The following GPR107 variants were observed in gnomAD, a reference collection of about 807,000 sequenced individuals.
GPR107 encodes protein GPR107.
In GPR107, 31 loss-of-function variants were observed where a neutral mutation model predicts 75.5. That is an observed-to-expected ratio of 0.41 (90% CI 0.31 to 0.55). GPR107 has a LOEUF of 0.55. Among genes scored for constraint, GPR107 ranks in the 20% least tolerant of loss-of-function variants. The probability of loss-of-function intolerance (pLI) is 0.26; values close to 1 mark genes in which losing one functional copy is unlikely to be tolerated. For missense variants in GPR107, 572 were observed against 665.7 expected (o/e 0.86, Z 1.55); for synonymous variants, 267 against 251.3 (o/e 1.06, Z -0.59).
chr9:130,101,644 C>T (rs191485033), intron 12 of GPR107, among the ~76,000 whole-genome samples: 1 of 152,320 alleles, frequency 6.6e-6, no homozygotes, highest in Admixed American at 6.5e-5. Context: ...TGGTAGTAGA[C>T]GTGAGGGGCA....
At chr9:130,055,508 A>C (rs1315933273) in intron 1 of GPR107, among the ~76,000 whole-genome samples, 3 of 139,258 alleles carry the variant, frequency 2.2e-5, no homozygotes, top group Non-Finnish European at 3.1e-5. Flanking sequence ...AGCCTGGGCA[A>C]CAGCGCGAGA....
rs1459247827 is a variant in GPR107, at chr9:130,086,412, C to CT, written c.565-3dup. On this transcript the variant is annotated splice_region_variant and splice_polypyrimidine_tract_variant and intron_variant, in intron 6 of 17. Coordinates refer to ENST00000347136, the MANE Select transcript of GPR107 (RefSeq NM_020960.5). Reference sequence around the variant, plus strand: ...GTCATCCTAAAACATACTATTATGTCTTTTTAGGCCATGGGAGAGAAATCC... The same window carrying CT: ...GTCATCCTAAAACATACTATTATGTCTTTTTTAGGCCATGGGAGAGAAATCC... 1 of 1,406,040 alleles carries CT rather than the reference C, an allele frequency of 7.1e-7. No individual in the cohort carries two copies. Among genetic ancestry groups the CT allele is most frequent in the Non-Finnish European group, 1.0e-6 (1 of 990,870 alleles). The allele number at this position is 1,406,040 out of a possible 1,614,324, so 87.1% of individuals were successfully genotyped here. A position where few individuals can be genotyped will look rare whatever the true frequency, so the allele number is the denominator to read the frequency against.
intron 12 of GPR107, among the ~76,000 whole-genome samples, chr9:130,102,478 T>G (rs1831056890): frequency 6.6e-6 from 1 of 151,916 alleles, no homozygotes; most frequent in Non-Finnish European, 1.5e-5. Flanking sequence ...ACACACAGAG[T>G]TCCATGGAAT....
At chr9:130,107,294 A>C (rs1340070677) in intron 13 of GPR107, among the ~76,000 whole-genome samples, 4 of 152,284 alleles carry the variant, frequency 2.6e-5, no homozygotes, top group Admixed American at 2.0e-4. Context: ...AGATTTGGCC[A>C]GCAGAGGGCG....
At chr9:130,059,813 A>C (rs1489198435) in intron 1 of GPR107, among the ~76,000 whole-genome samples, 4 of 149,974 alleles carry the variant, frequency 2.7e-5, no homozygotes, top group Non-Finnish European at 5.9e-5. Context: ...ATCTCGGCTC[A>C]CTGCAACCTC....
At chr9:130,133,736 T>C (rs1323076823) in intron 17 of GPR107, among the ~76,000 whole-genome samples, 5 of 152,244 alleles carry the variant, frequency 3.3e-5, no homozygotes, top group Non-Finnish European at 7.3e-5. Flanking sequence ...ATCTATGGGA[T>C]CTGGCCACAT....
intron 14 of GPR107, among the ~76,000 whole-genome samples, chr9:130,118,176 C>G (rs1176906716): frequency 2.0e-5 from 3 of 152,118 alleles, no homozygotes; most frequent in Admixed American, 1.3e-4. Flanking sequence ...CTGCTTCCCC[C>G]ACAGAGGCCA....
rs368098214 is a variant in GPR107, at chr9:130,128,698, C to T, written c.1499C>T (p.Pro500Leu). 8 of 1,609,936 alleles carry T rather than the reference C, an allele frequency of 5.0e-6. No homozygotes were observed. Among genetic ancestry groups the T allele is most frequent in the Middle Eastern group, 1.7e-4 (1 of 6,052 alleles). Reference sequence around the variant, plus strand: ...GTTCTAACGGGGTATAAATTCCGTCCGGCTTCAGATAACCCCTACCTACAA... The same window carrying T: ...GTTCTAACGGGGTATAAATTCCGTCTGGCTTCAGATAACCCCTACCTACAA... ...FFVLTGYKFRPASDNPYLQLS... is the reference protein window; with the variant it reads ...FFVLTGYKFRLASDNPYLQLS... Residue 500 changes from proline to leucine, a missense_variant, in exon 17 of 18, where the codon CCG (proline) becomes CTG (leucine). Coordinates refer to ENST00000347136, the MANE Select transcript of GPR107 (RefSeq NM_020960.5).
intron 10 of GPR107, 28 bp from the exon 11 acceptor site, chr9:130,100,601 A>T: frequency 6.6e-7 from 1 of 1,512,422 alleles, no homozygotes; most frequent in South Asian, 1.1e-5. Flanking sequence ...ATAATGAGTG[A>T]TTCTGAAATG....
chr9:130,122,794 A>G (rs1411022840), intron 14 of GPR107, among the ~76,000 whole-genome samples: 1 of 152,136 alleles, frequency 6.6e-6, no homozygotes, highest in Non-Finnish European at 1.5e-5. Context: ...AGGCTGAGGC[A>G]GGCTCTTGCC....
Position 130,111,882 on chromosome 9 carries a change from TTC to T in GPR107, c.1306+4348_1306+4349del, listed in dbSNP as rs556324623. Among the ~76,000 whole-genome samples, 463 of 152,280 alleles carry T rather than the reference TTC, an allele frequency of 3.0e-3. 4 individuals carry two copies. The highest frequency in any genetic ancestry group is 0.01 in the African/African-American group (429 of 41,544). Reference sequence around the variant, plus strand: ...TGTCTCTCCTGTCACGCGCAGTGGCTTCTCTCAGGTCCTCGGTCACTGAGACT... The same window carrying T: ...TGTCTCTCCTGTCACGCGCAGTGGCTTCTCAGGTCCTCGGTCACTGAGACT... On this transcript the variant is annotated intron_variant, in intron 14 of 17. Coordinates refer to ENST00000347136, the MANE Select transcript of GPR107 (RefSeq NM_020960.5).
At position 130,110,246 on chromosome 9, in the gene GPR107, C is replaced by T. The variant is rs887836827; in HGVS notation, c.1306+2707C>T. On this transcript the variant is annotated intron_variant, in intron 14 of 17. Coordinates refer to ENST00000347136, the MANE Select transcript of GPR107 (RefSeq NM_020960.5). The stretch of plus-strand genomic sequence containing the variant: ...GCTCTGTCTGGAGTAGATGGCACAG[C>T]AGGTGAGGCAGCATGGGGTCAGCGT... 10 of 662,868 alleles carry T rather than the reference C, an allele frequency of 1.5e-5. No individual in the cohort carries two copies. In the African/African-American group the frequency reaches 1.8e-4, roughly 12 times the overall value. The allele number at this position is 662,868 out of a possible 1,614,324, so 41.1% of individuals were successfully genotyped here. A position where few individuals can be genotyped will look rare whatever the true frequency, so the allele number is the denominator to read the frequency against.
At chr9:130,122,258 A>G (rs1041144307) in intron 14 of GPR107, among the ~76,000 whole-genome samples, 1 of 152,022 alleles carries the variant, frequency 6.6e-6, no homozygotes, top group African/African-American at 2.4e-5. Context: ...TGAAGAATCG[A>G]GTGTTCATGT....
intron 12 of GPR107, among the ~76,000 whole-genome samples, chr9:130,102,184 A>C (rs1349854827): frequency 4.7e-5 from 1 of 21,298 alleles, no homozygotes; most frequent in East Asian, 1.7e-3. Context: ...GAGGCAGTAA[A>C]TACACATGAC....
intron 9 of GPR107, among the ~76,000 whole-genome samples, chr9:130,093,935 C>T (rs1485335755): frequency 2.0e-5 from 3 of 152,202 alleles, no homozygotes; most frequent in Admixed American, 2.0e-4. Flanking sequence ...GTGCTTCAGC[C>T]TCTGAAGTAG....
intron 13 of GPR107, among the ~76,000 whole-genome samples, chr9:130,106,536 G>A (rs1831159567): frequency 1.3e-5 from 2 of 151,788 alleles, no homozygotes; most frequent in Admixed American, 1.3e-4. Flanking sequence ...GGCGGAGGTT[G>A]CAGTGAGCCA....
chr9:130,095,391 G>A (rs1331385158), intron 9 of GPR107, among the ~76,000 whole-genome samples: 3 of 151,972 alleles, frequency 2.0e-5, no homozygotes, highest in Non-Finnish European at 2.9e-5. Context: ...TGTGGTAACA[G>A]TTTTCTTTAT....
In GPR107 at chr9:130,077,396, T is replaced by A; in HGVS notation, c.386+18T>A. On this transcript the variant is annotated intron_variant, in intron 4 of 17. Transcript: ENST00000347136. ...AGAAGTGAGTAAGTAATTCTAAAGT[T>A]CCTTCAGTTCAGTCCTAGAGTAGAG... 8.2e-7 allele frequency: 1 copy of A among 1,219,490 alleles called. No homozygotes were observed. The highest frequency in any genetic ancestry group is 1.2e-6 in the Non-Finnish European group (1 of 819,390). The allele number at this position is 1,219,490 out of a possible 1,614,324, so 75.5% of individuals were successfully genotyped here.
At chr9:130,130,877 G>A (rs200848318) in intron 17 of GPR107, among the ~76,000 whole-genome samples, 983 of 135,252 alleles carry the variant, frequency 7.3e-3, no homozygotes, top group Non-Finnish European at 8.4e-3. Flanking sequence ...TCTCAAAAAA[G>A]AAAAAAAAAA....
Sources: gnomAD v4.1 joint callset for allele counts (sites outside exome capture counted in the v4.1 genomes callset) on GRCh38, gnomAD v4.1.1 for gene constraint, MANE v1.5 for transcripts, NCBI Gene and HGNC (gene_info 2026-07-23, HGNC 2026-07-21) for gene names.